The following MAN2A1 variants were observed in gnomAD, a reference collection of about 807,000 sequenced individuals.
The protein encoded by MAN2A1 is mannosidase alpha class 2A member 1, also known as alpha-mannosidase 2.
Under a neutral mutation model 142.6 loss-of-function variants are expected in MAN2A1, and 76 were observed. The observed-to-expected ratio is 0.53, with a 90% CI of 0.44 to 0.65. MAN2A1 has a LOEUF of 0.65. MAN2A1 is among the 30% of genes least tolerant of loss of function. The pLI is 0.00. For missense variants in MAN2A1, 1,311 were observed against 1,365.1 expected (o/e 0.96, Z 0.62); for synonymous variants, 559 against 473.2 (o/e 1.18, Z -2.35).
chr5:109,776,528 T>A (rs1409995841), intron 8 of MAN2A1, among the ~76,000 whole-genome samples: 1 of 152,142 alleles, frequency 6.6e-6, no homozygotes, highest in Non-Finnish European at 1.5e-5. Context: ...GTCTCCTGTC[T>A]GACTGAAAAA....
At chr5:109,748,352 C>A (rs563184086) in intron 4 of MAN2A1, among the ~76,000 whole-genome samples, 1 of 148,514 alleles carries the variant, frequency 6.7e-6, no homozygotes, top group South Asian at 2.1e-4. Context: ...AATTTCTTGT[C>A]ATTTTTATGA....
intron 3 of MAN2A1, among the ~76,000 whole-genome samples, chr5:109,725,921 A>C (rs758099822): frequency 2.0e-5 from 3 of 152,158 alleles, no homozygotes; most frequent in Admixed American, 6.5e-5. Context: ...CTTAAAAAAA[A>C]ATAGTGGTAT....
chr5:109,804,610 T>C (rs1036227477), intron 12 of MAN2A1, among the ~76,000 whole-genome samples: 2 of 152,144 alleles, frequency 1.3e-5, no homozygotes, highest in African/African-American at 4.8e-5. Flanking sequence ...AGGGAGTCTT[T>C]CCTAGGACCA....
At chr5:109,763,832 C>T (rs1468380243) in intron 5 of MAN2A1, among the ~76,000 whole-genome samples, 2 of 149,580 alleles carry the variant, frequency 1.3e-5, no homozygotes, top group Non-Finnish European at 3.0e-5. Flanking sequence ...GACGGAGTCT[C>T]ACTCTATCTC....
At chr5:109,843,112 T>C (rs1755254998) in intron 17 of MAN2A1, among the ~76,000 whole-genome samples, 1 of 152,106 alleles carries the variant, frequency 6.6e-6, no homozygotes, top group African/African-American at 2.4e-5. Flanking sequence ...GGTCTGTTTT[T>C]GTATTAGCCC....
At chr5:109,791,444 T>C (rs1309698111) in intron 12 of MAN2A1, among the ~76,000 whole-genome samples, 1 of 152,084 alleles carries the variant, frequency 6.6e-6, no homozygotes, top group East Asian at 1.9e-4. Flanking sequence ...TAGCAGGTAC[T>C]GAAAGTAAAA....
intron 4 of MAN2A1, among the ~76,000 whole-genome samples, chr5:109,751,133 T>G (rs373506551): frequency 1.2e-4 from 19 of 152,156 alleles, no homozygotes; most frequent in East Asian, 1.2e-3. Flanking sequence ...CTCTTCCCAA[T>G]CGCTACCCTA....
In MAN2A1 at chr5:109,789,483, T is replaced by G; in HGVS notation, c.1899T>G (p.Asp633Glu). Residue 633 changes from aspartate (D) to glutamate (E), a missense_variant, in exon 12 of 22, where the codon GAT (aspartate) becomes GAG (glutamate). Asp to Glu is a conservative substitution (Grantham distance 45, BLOSUM62 2). Transcript: ENST00000261483. The part of the protein sequence containing the change: ...LEMDLKQKSQ[D>E]SLPQKNIIRL... ...AGGATTTGAAACAAAAATCACAAGA[T>G]TCTCTGCCACAAAAAAATATAATAA... 2 of 1,589,566 alleles carry G rather than the reference T, an allele frequency of 1.3e-6. No individual in the cohort carries two copies. Among genetic ancestry groups the G allele is most frequent in the South Asian group, 1.1e-5 (1 of 87,648 alleles).
chr5:109,762,375 CTG>C (rs1407671898), intron 5 of MAN2A1, among the ~76,000 whole-genome samples: 3 of 152,042 alleles, frequency 2.0e-5, no homozygotes, highest in Non-Finnish European at 4.4e-5. Context: ...CTCCTTTTGT[CTG>C]TTTTTTGTTT....
At chr5:109,758,995 A>G (rs1378100832) in intron 5 of MAN2A1, among the ~76,000 whole-genome samples, 1 of 152,024 alleles carries the variant, frequency 6.6e-6, no homozygotes, top group Non-Finnish European at 1.5e-5. Context: ...TATAGCTTGT[A>G]TAAGCTTGAC....
At chr5:109,817,821 C>T (rs1449414046) in intron 13 of MAN2A1, among the ~76,000 whole-genome samples, 1 of 152,038 alleles carries the variant, frequency 6.6e-6, no homozygotes, top group Non-Finnish European at 1.5e-5. Context: ...ATAAATACCA[C>T]CCTTAGTAAC....
chr5:109,822,466 TAAA>T (rs1211329248), intron 15 of MAN2A1, among the ~76,000 whole-genome samples: 1 of 151,842 alleles, frequency 6.6e-6, no homozygotes, highest in Non-Finnish European at 1.5e-5. Flanking sequence ...AGAGAGAAAA[TAAA>T]AAACATCAGG....
intron 5 of MAN2A1, among the ~76,000 whole-genome samples, chr5:109,756,765 C>G (rs968627911): frequency 1.3e-5 from 2 of 152,130 alleles, no homozygotes; most frequent in African/African-American, 4.8e-5. Flanking sequence ...CAAGATTGGC[C>G]CTTGGTTAGT....
intron 5 of MAN2A1, among the ~76,000 whole-genome samples, chr5:109,758,903 A>G (rs893353647): frequency 7.2e-5 from 11 of 151,976 alleles, no homozygotes; most frequent in Non-Finnish European, 1.2e-4. Flanking sequence ...TTAGTTAACC[A>G]TAATTATGAG....
At chr5:109,831,228 A>G (rs1754897989) in intron 16 of MAN2A1, among the ~76,000 whole-genome samples, 1 of 152,220 alleles carries the variant, frequency 6.6e-6, no homozygotes, top group South Asian at 2.1e-4. Flanking sequence ...TCACCGAGTA[A>G]ATATACAAGG....
chr5:109,732,493 T>C (rs1206956295), intron 4 of MAN2A1, among the ~76,000 whole-genome samples: 5 of 152,214 alleles, frequency 3.3e-5, no homozygotes, highest in Non-Finnish European at 7.3e-5. Context: ...TTTATGATTT[T>C]AGGTCTAACG....
At chr5:109,743,026 T>A (rs372462410) in intron 4 of MAN2A1, among the ~76,000 whole-genome samples, 3 of 152,212 alleles carry the variant, frequency 2.0e-5, no homozygotes, top group African/African-American at 7.2e-5. Flanking sequence ...ATCCCTTGGA[T>A]ACTTTCTCAA....
intron 21 of MAN2A1, 113 bp from the exon 22 acceptor site, chr5:109,866,733 A>G (rs931676336): frequency 1.6e-6 from 1 of 609,118 alleles, no homozygotes; most frequent in Non-Finnish European, 2.8e-6. Flanking sequence ...CTCAAAAGAG[A>G]ACTTCAACAT....
intron 5 of MAN2A1, among the ~76,000 whole-genome samples, chr5:109,764,486 C>T (rs746225622): frequency 1.3e-5 from 2 of 152,162 alleles, no homozygotes; most frequent in East Asian, 3.9e-4. Flanking sequence ...TAAGTTTGCC[C>T]CTTACCCTCC....
Sources: allele counts gnomAD v4.1 joint callset (sites outside exome capture counted in the v4.1 genomes callset), GRCh38; gene constraint gnomAD v4.1.1; transcripts MANE v1.5; gene names NCBI Gene and HGNC (gene_info 2026-07-23, HGNC 2026-07-21).